The following POLK variants were observed in gnomAD, a reference collection of about 807,000 sequenced individuals.
POLK encodes the protein DNA polymerase kappa.
A neutral mutation model predicts 94.0 loss-of-function variants in POLK; 76 were observed. The ratio of observed to expected loss-of-function variants is 0.81; its 90% CI spans 0.67 to 0.98. The LOEUF (loss-of-function observed/expected upper bound fraction) is 0.98. Among genes scored for constraint, POLK ranks in the 50% least tolerant of loss-of-function variants. The probability of loss-of-function intolerance (pLI) is 0.00; values close to 1 mark genes in which losing one functional copy is unlikely to be tolerated. For synonymous variants in POLK, 349 were observed against 325.4 expected, an observed-to-expected ratio of 1.07 and a Z score of -0.78; for missense variants, 954 against 1,010.1, an observed-to-expected ratio of 0.94 and a Z score of 0.75.
chr5:75,608,312 G>C, the POLK span, among the ~76,000 whole-genome samples: 3 of 151,888 alleles, frequency 2.0e-5, no homozygotes, highest in African/African-American at 7.3e-5. Flanking sequence ...TCCCATCTCA[G>C]CTTCCCAAGT....
At chr5:75,595,248 G>GAAAACAA (rs1773006886) in intron 12 of POLK, among the ~76,000 whole-genome samples, 1 of 24,880 alleles carries the variant, frequency 4.0e-5, no homozygotes, top group Non-Finnish European at 9.2e-5. Context: ...CTCCACCTCA[G>GAAAACAA]AAAAAAAAAA....
chr5:75,580,717 T>C (rs1184348188), intron 6 of POLK: 1 of 161,604 alleles, frequency 6.2e-6, no homozygotes, highest in African/African-American at 2.4e-5. Flanking sequence ...ATCTAAAAGG[T>C]TTCTTCCATA....
At chr5:75,596,552 A>G (rs1581110686) in exon 13 of POLK, 2 of 1,613,872 alleles carry the variant, frequency 1.2e-6, no homozygotes, top group East Asian at 4.5e-5. Context: ...GATGACTGTC[A>G]GATACTTACC....
At chr5:75,540,863 C>T (rs1769702219) in intron 1 of POLK, among the ~76,000 whole-genome samples, 2 of 152,254 alleles carry the variant, frequency 1.3e-5, no homozygotes. Flanking sequence ...AAACAATCAA[C>T]TCCTATAAGA....
At chr5:75,597,075 C>T (rs200965504) in exon 13 of POLK, 252 of 1,612,744 alleles carry the variant, frequency 1.6e-4, no homozygotes, top group Non-Finnish European at 2.0e-4. Context: ...TAACCCTGTT[C>T]AATGTGCATG....
rs1055383301 is a variant in POLK at position 75,526,587 on chromosome 5, T to C, written c.-14+14673T>C. On this transcript the variant is annotated intron_variant, in intron 1 of 14. Coordinates refer to ENST00000241436, the Ensembl canonical transcript of POLK. The stretch of plus-strand genomic sequence containing the variant: ...GGTTTTTTTTTTGTTTTTTTTTTTT[T>C]CTTTTTTTTTTGGAGACAGAGTCTC... Among the ~76,000 whole-genome samples, 110 of 147,070 alleles carry C rather than the reference T, an allele frequency of 7.5e-4. 1 individual carries two copies. Among genetic ancestry groups the C allele is most frequent in the African/African-American group, 2.5e-3 (101 of 40,434 alleles).
At chr5:75,581,670 G>A (rs924831142) in intron 7 of POLK, 3 of 445,502 alleles carry the variant, frequency 6.7e-6, no homozygotes, top group African/African-American at 2.1e-5. Flanking sequence ...AAGATTATAC[G>A]TTTCTTTCTT....
intron 3 of POLK, among the ~76,000 whole-genome samples, chr5:75,562,582 A>G (rs112887674): frequency 0.056 from 8,534 of 152,198 alleles, 737 homozygotes; most frequent in African/African-American, 0.19. Flanking sequence ...ATCCTTGTCT[A>G]GTGCTGGTTT....
At chr5:75,585,349 G>C (rs945839318) in intron 9 of POLK, among the ~76,000 whole-genome samples, 1 of 152,142 alleles carries the variant, frequency 6.6e-6, no homozygotes, top group Non-Finnish European at 1.5e-5. Context: ...ATTCAGTACT[G>C]ACTACTTTAC....
chr5:75,511,212 G>T (rs551811011), upstream of POLK: 7 of 1,612,598 alleles, frequency 4.3e-6, no homozygotes, highest in Admixed American at 1.7e-5. Flanking sequence ...CGACATGGAG[G>T]CTCGACAACC....
intron 5 of POLK, among the ~76,000 whole-genome samples, chr5:75,574,815 C>T (rs990731216): frequency 1.3e-5 from 2 of 152,166 alleles, no homozygotes; most frequent in Admixed American, 1.3e-4. Flanking sequence ...AGCACACTTA[C>T]ATTTGGTTAC....
At chr5:75,534,429 T>C (rs1222068113) in intron 1 of POLK, among the ~76,000 whole-genome samples, 1 of 152,186 alleles carries the variant, frequency 6.6e-6, no homozygotes, top group Non-Finnish European at 1.5e-5. Flanking sequence ...TGAGTTTGGT[T>C]CTTTCATATA....
At chr5:75,546,086 C>T (rs530828584) in intron 1 of POLK, among the ~76,000 whole-genome samples, 1 of 152,264 alleles carries the variant, frequency 6.6e-6, no homozygotes, top group African/African-American at 2.4e-5. Context: ...TGCCCACACA[C>T]AATCAAAAAT....
intron 4 of POLK, among the ~76,000 whole-genome samples, chr5:75,569,888 C>T (rs1771500156): frequency 6.6e-6 from 1 of 152,180 alleles, no homozygotes; most frequent in Admixed American, 6.5e-5. Context: ...ATCCAGGTTA[C>T]ATACTCATTA....
intron 1 of POLK, among the ~76,000 whole-genome samples, chr5:75,516,623 C>T (rs1768332554): frequency 6.6e-6 from 1 of 152,040 alleles, no homozygotes. Context: ...TGTGATTACA[C>T]CACTGCATTC....
At chr5:75,577,400 G>A (rs1771950102) in intron 6 of POLK, among the ~76,000 whole-genome samples, 1 of 151,892 alleles carries the variant, frequency 6.6e-6, no homozygotes, top group South Asian at 2.1e-4. Flanking sequence ...TTTTAGCTCT[G>A]CCAAAATTAA....
chr5:75,513,858 CT>C (rs1245897929), intron 1 of POLK, among the ~76,000 whole-genome samples: 1 of 152,022 alleles, frequency 6.6e-6, no homozygotes, highest in African/African-American at 2.4e-5. Flanking sequence ...TTTTGAGTCT[CT>C]TCCTGTTACT....
intron 3 of POLK, among the ~76,000 whole-genome samples, chr5:75,565,477 T>A (rs1370399495): frequency 6.6e-6 from 1 of 152,202 alleles, no homozygotes; most frequent in Non-Finnish European, 1.5e-5. Flanking sequence ...TTATTTGGAA[T>A]TTTCAGCCTT....
exon 5 of POLK, chr5:75,573,758 A>G: frequency 6.2e-7 from 1 of 1,613,128 alleles, no homozygotes; most frequent in Non-Finnish European, 8.5e-7. Flanking sequence ...ATTACCATGC[A>G]AGGAGATTTG....
Sources: gnomAD v4.1 joint callset for allele counts (sites outside exome capture counted in the v4.1 genomes callset) on GRCh38, gnomAD v4.1.1 for gene constraint, MANE v1.5 for transcripts, NCBI Gene and HGNC (gene_info 2026-07-23, HGNC 2026-07-21) for gene names.